TRIM44: variants seen among roughly 807,000 people sequenced by gnomAD.
The protein encoded by TRIM44 is tripartite motif-containing protein 44.
A neutral mutation model predicts 37.4 loss-of-function variants in TRIM44; 13 were observed. The ratio of observed to expected loss-of-function variants is 0.35; its 90% CI spans 0.23 to 0.55. TRIM44 has a LOEUF of 0.55. Ranked by LOEUF, TRIM44 falls within the 20% of genes least tolerant of loss-of-function variation. The pLI is 0.89. For missense variants in TRIM44, 426 were observed against 437.2 expected (o/e 0.97, Z 0.23); for synonymous variants, 175 against 157.2 (o/e 1.11, Z -0.85).
At chr11:35,793,995 G>A (rs187812775) in intron 4 of TRIM44, among the ~76,000 whole-genome samples, 134 of 152,320 alleles carry the variant, frequency 8.8e-4, no homozygotes, top group Admixed American at 9.1e-4. Context: ...TGCTTATAAT[G>A]TATAATTATC....
rs2135528538 is a variant in TRIM44 at position 35,748,679 on chromosome 11, A to AT, written c.1007+13240dup. 1.3e-5 allele frequency among the ~76,000 whole-genome samples: 2 copies of AT among 152,308 alleles called. 1 individual carries two copies. Among genetic ancestry groups the AT allele is most frequent in the South Asian group, 4.1e-4 (2 of 4,820 alleles). ...AACAATTTATAATAAAAAGGAAAAT[A>AT]TTTTTTCTAGTAAAACAAGGTTAGC... On this transcript the variant is annotated intron_variant, in intron 4 of 4. Transcript: ENST00000299413.
At chr11:35,791,428 A>G (rs1393528403) in intron 4 of TRIM44, among the ~76,000 whole-genome samples, 2 of 152,086 alleles carry the variant, frequency 1.3e-5, no homozygotes, top group African/African-American at 2.4e-5. Context: ...GGTAGATGCC[A>G]TATGGAGCCC....
chr11:35,687,530 A>G (rs530255776), intron 2 of TRIM44, among the ~76,000 whole-genome samples: 46 of 152,372 alleles, frequency 3.0e-4, no homozygotes, highest in Middle Eastern at 3.4e-3. Flanking sequence ...CCTGTTCTGC[A>G]GGAGACAACC....
intron 3 of TRIM44, among the ~76,000 whole-genome samples, chr11:35,735,115 T>C (rs1196737641): frequency 6.6e-6 from 1 of 152,232 alleles, no homozygotes; most frequent in Non-Finnish European, 1.5e-5. Flanking sequence ...TTTCTCACTT[T>C]GCTAAGAACT....
Position 35,815,711 on chromosome 11 carries a change from A to G in TRIM44, c.*9326A>G, listed in dbSNP as rs146653872. On this transcript the variant is annotated 3_prime_UTR_variant, in exon 5 of 5. Coordinates refer to ENST00000299413, the MANE Select transcript of TRIM44 (RefSeq NM_017583.6). Reference sequence around the variant, plus strand: ...ATCTCTTTCTCTTACCTCTATTATGAGGACAAGACGTGGAAGAATTAGGTC... The same window carrying G: ...ATCTCTTTCTCTTACCTCTATTATGGGGACAAGACGTGGAAGAATTAGGTC... 6.6e-6 allele frequency: 1 copy of G among 152,292 alleles called. No individual in the cohort carries two copies. The highest frequency in any genetic ancestry group is 2.4e-5 in the African/African-American group (1 of 41,568). The allele number at this position is 152,292 out of a possible 1,614,324, so 9.4% of individuals were successfully genotyped here.
chr11:35,734,399 C>CCTTTCTT (rs1852304358), intron 3 of TRIM44, among the ~76,000 whole-genome samples: 3 of 152,158 alleles, frequency 2.0e-5, no homozygotes, highest in Admixed American at 1.3e-4. Flanking sequence ...GGCAAAATAA[C>CCTTTCTT]ATGAGTAAGC....
rs372773780 is a variant in TRIM44, at chr11:35,709,499, C to T, written c.748-16425C>T. Among the ~76,000 whole-genome samples the T allele has an allele frequency of 3.4e-4, 52 of 152,306 alleles. No individual in the cohort carries two copies. The East Asian group carries it at 0.01, about 29-fold the overall frequency. On this transcript the variant is annotated intron_variant, in intron 2 of 4. Coordinates refer to ENST00000299413, the MANE Select transcript of TRIM44 (RefSeq NM_017583.6). ...AAATATTACCATTTGCTGTCAGTTTCTTTCTGACCCAGTCAGATGTAAGAG... is the reference window on the plus strand; with the variant it reads ...AAATATTACCATTTGCTGTCAGTTTTTTTCTGACCCAGTCAGATGTAAGAG...
At chr11:35,711,398 G>A (rs1473944228) in intron 2 of TRIM44, among the ~76,000 whole-genome samples, 1 of 151,602 alleles carries the variant, frequency 6.6e-6, no homozygotes. Flanking sequence ...TTCAGGAATT[G>A]CCCTATCAGC....
At chr11:35,747,662 G>A (rs980009551) in intron 4 of TRIM44, among the ~76,000 whole-genome samples, 10 of 152,078 alleles carry the variant, frequency 6.6e-5, no homozygotes, top group Non-Finnish European at 1.3e-4. Context: ...GTTGAGGTGG[G>A]GCTTGCCAGG....
At chr11:35,689,372 C>T (rs911714250) in intron 2 of TRIM44, among the ~76,000 whole-genome samples, 2 of 152,184 alleles carry the variant, frequency 1.3e-5, no homozygotes, top group African/African-American at 2.4e-5. Context: ...GGGTACATAC[C>T]TCTGGGCATC....
At chr11:35,704,072 G>T (rs1284372194) in intron 2 of TRIM44, among the ~76,000 whole-genome samples, 1 of 152,126 alleles carries the variant, frequency 6.6e-6, no homozygotes, top group Non-Finnish European at 1.5e-5. Context: ...TAAAGGAGCT[G>T]ATGGAGCTGA....
intron 2 of TRIM44, among the ~76,000 whole-genome samples, chr11:35,691,924 C>T (rs1195410045): frequency 6.6e-6 from 1 of 152,140 alleles, no homozygotes; most frequent in African/African-American, 2.4e-5. Context: ...GGATTACAGG[C>T]GTGAGCCACC....
intron 4 of TRIM44, among the ~76,000 whole-genome samples, chr11:35,773,626 C>T (rs934735821): frequency 2.6e-5 from 4 of 152,152 alleles, no homozygotes; most frequent in Admixed American, 6.5e-5. Context: ...CCCCTCTCCC[C>T]CTACCCCACA....
At chr11:35,774,782 G>A (rs1462792361) in intron 4 of TRIM44, among the ~76,000 whole-genome samples, 3 of 152,118 alleles carry the variant, frequency 2.0e-5, no homozygotes, top group African/African-American at 7.2e-5. Flanking sequence ...GGTTGTAGAT[G>A]TGTGGTATTA....
chr11:35,705,560 G>A (rs949859540), intron 2 of TRIM44, among the ~76,000 whole-genome samples: 1 of 151,952 alleles, frequency 6.6e-6, no homozygotes, highest in African/African-American at 2.4e-5. Context: ...ATAGCAAACT[G>A]TCTCTCAGAC....
At position 35,811,921 on chromosome 11, in the gene TRIM44, C is replaced by CTCTG. The variant is rs1853531136; in HGVS notation, c.*5540_*5543dup. 6.6e-6 allele frequency: 1 copy of CTCTG among 151,962 alleles called. No individual in the cohort carries two copies. The highest frequency in any genetic ancestry group is 1.5e-5 in the Non-Finnish European group (1 of 67,994). The allele number at this position is 151,962 out of a possible 1,614,324, so 9.4% of individuals were successfully genotyped here. A position where few individuals can be genotyped will look rare whatever the true frequency, so the allele number is the denominator to read the frequency against. Reference sequence around the variant, plus strand: ...CTGGTAAAGCCCAGGACAGCAGACTCTCTGTCTCCGAGAGCAATCATTAGG... The same window carrying CTCTG: ...CTGGTAAAGCCCAGGACAGCAGACTCTCTGTCTGTCTCCGAGAGCAATCATTAGG... On this transcript the variant is annotated 3_prime_UTR_variant, in exon 5 of 5. Coordinates refer to ENST00000299413, the MANE Select transcript of TRIM44 (RefSeq NM_017583.6).
At chr11:35,742,899 A>G (rs1852431103) in intron 4 of TRIM44, among the ~76,000 whole-genome samples, 1 of 150,580 alleles carries the variant, frequency 6.6e-6, no homozygotes, top group South Asian at 2.1e-4. Flanking sequence ...GAGAGGTTAT[A>G]CACTCATGAG....
chr11:35,679,664 C>G (rs933701625), intron 1 of TRIM44, among the ~76,000 whole-genome samples: 6 of 152,178 alleles, frequency 3.9e-5, no homozygotes, highest in African/African-American at 1.4e-4. Context: ...CAGTCATACC[C>G]TTTGGATTTA....
At chr11:35,787,912 A>G (rs1565028316) in intron 4 of TRIM44, among the ~76,000 whole-genome samples, 1 of 152,196 alleles carries the variant, frequency 6.6e-6, no homozygotes, top group Non-Finnish European at 1.5e-5. Context: ...AGCCTTTGTA[A>G]TGAATTACCC....
Sources: gnomAD v4.1 joint callset for allele counts (sites outside exome capture counted in the v4.1 genomes callset) on GRCh38, gnomAD v4.1.1 for gene constraint, MANE v1.5 for transcripts, NCBI Gene and HGNC (gene_info 2026-07-23, HGNC 2026-07-21) for gene names.